AGBL1: variants seen among roughly 807,000 people sequenced by gnomAD.
AGBL1 encodes the protein AGBL carboxypeptidase 1, also known as cytosolic carboxypeptidase 4.
A neutral mutation model predicts 118.9 loss-of-function variants in AGBL1; 130 were observed. The ratio of observed to expected loss-of-function variants is 1.09; its 90% CI spans 0.95 to 1.26. AGBL1 has a LOEUF of 1.26. Ranked by LOEUF, AGBL1 falls within the 50% of genes most tolerant of loss-of-function variation. The pLI is 0.00. For missense variants in AGBL1, 1,584 were observed against 1,298.1 expected, an observed-to-expected ratio of 1.22 and a Z score of -3.38; for synonymous variants, 555 against 478.9, an observed-to-expected ratio of 1.16 and a Z score of -2.08.
At chr15:86,744,908 G>A (rs1285247568) in intron 22 of AGBL1, among the ~76,000 whole-genome samples, 4 of 152,086 alleles carry the variant, frequency 2.6e-5, no homozygotes, top group African/African-American at 7.2e-5. Context: ...GTTGATCTGC[G>A]GAGCAGCTCT....
At chr15:86,726,676 C>T (rs1377275294) in intron 22 of AGBL1, among the ~76,000 whole-genome samples, 1 of 152,140 alleles carries the variant, frequency 6.6e-6, no homozygotes, top group Non-Finnish European at 1.5e-5. Flanking sequence ...ATCCTTCTAC[C>T]TCAGACTCCT....
intron 22 of AGBL1, among the ~76,000 whole-genome samples, chr15:86,806,234 C>T (rs1182876955): frequency 6.6e-6 from 1 of 152,050 alleles, no homozygotes; most frequent in Non-Finnish European, 1.5e-5. Context: ...TACTATAGAT[C>T]AATGGGGTCA....
chr15:86,550,925 A>G (rs2142263392), intron 20 of AGBL1, among the ~76,000 whole-genome samples: 1 of 152,088 alleles, frequency 6.6e-6, no homozygotes, highest in East Asian at 1.9e-4. Flanking sequence ...TAACTTTCAT[A>G]AGAAATCTGG....
intron 22 of AGBL1, among the ~76,000 whole-genome samples, chr15:86,895,071 C>CCTTCCCTTTCTTTTATCTTCCCTT: frequency 6.6e-6 from 1 of 151,100 alleles, no homozygotes; most frequent in Admixed American, 6.6e-5. Flanking sequence ...TATCTTCCCT[C>CCTTCCCTTTCTTTTATCTTCCCTT]CTTCCCTTTC....
intron 22 of AGBL1, among the ~76,000 whole-genome samples, chr15:86,680,544 T>TTTTC (rs1192641578): frequency 1.3e-5 from 2 of 150,120 alleles, no homozygotes; most frequent in Non-Finnish European, 3.0e-5. Context: ...TTCTTTTCTT[T>TTTTC]TTTCTTTCTT....
At chr15:86,139,105 ATATCATCTATTAACATT>A in intron 1 of AGBL1, among the ~76,000 whole-genome samples, 1 of 152,304 alleles carries the variant, frequency 6.6e-6, no homozygotes, top group South Asian at 2.1e-4. Flanking sequence ...TCAGAGAATG[ATATCATCTATTAACATT>A]TAGTGCAGCT....
At chr15:86,080,259 C>A in intron 1 of AGBL1, 3 of 367,062 alleles carry the variant, frequency 8.2e-6, no homozygotes, top group Non-Finnish European at 1.5e-5. Flanking sequence ...CTCGTGGGAT[C>A]AGAGGCTCTG....
At chr15:86,650,885 C>G (rs2085358291) in intron 21 of AGBL1, among the ~76,000 whole-genome samples, 1 of 152,156 alleles carries the variant, frequency 6.6e-6, no homozygotes, top group South Asian at 2.1e-4. Context: ...GGACAAATTC[C>G]AAGTAGGTTT....
intron 18 of AGBL1, among the ~76,000 whole-genome samples, chr15:86,421,919 C>T (rs1161009050): frequency 6.6e-6 from 1 of 152,162 alleles, no homozygotes; most frequent in Non-Finnish European, 1.5e-5. Flanking sequence ...AATTTATATG[C>T]ACCCAATACA....
chr15:86,173,642 G>A (rs113153963), intron 5 of AGBL1, among the ~76,000 whole-genome samples: 33 of 152,206 alleles, frequency 2.2e-4, no homozygotes, highest in African/African-American at 7.7e-4. Context: ...TAGGGGTCTA[G>A]TTTCACTCTT....
chr15:86,196,858 TGTGCACATGTGCGCGCGC>T (rs60871362), intron 5 of AGBL1, among the ~76,000 whole-genome samples: 2,063 of 116,200 alleles, frequency 0.018, 25 homozygotes, highest in African/African-American at 0.032. Context: ...CATATGCGAA[TGTGCACATGTGCGCGCGC>T]GCGCACACAC....
In AGBL1 at chr15:87,003,677, G is replaced by T. The variant is rs576391470; in HGVS notation, c.3323+15589G>T. Among the ~76,000 whole-genome samples the T allele has an allele frequency of 1.4e-4, 22 of 152,264 alleles. No homozygotes were observed. The South Asian group carries it at 4.1e-3, about 29-fold the overall frequency. ...AGTGCCTGTTATTGGTCTATTCAGA[G>T]ATTCAACTTCTTCCTGGTTTAGTCT... On this transcript the variant is annotated intron_variant, in intron 24 of 24. Transcript: ENST00000441037.
intron 22 of AGBL1, among the ~76,000 whole-genome samples, chr15:86,870,454 C>A (rs1485522447): frequency 3.1e-5 from 2 of 64,130 alleles, no homozygotes; most frequent in Non-Finnish European, 5.5e-5. Context: ...AAGCATACTG[C>A]AAAAAAAAAA....
chr15:86,958,389 A>G (rs899646738), intron 23 of AGBL1, among the ~76,000 whole-genome samples: 5 of 152,118 alleles, frequency 3.3e-5, no homozygotes, highest in Non-Finnish European at 7.4e-5. Flanking sequence ...TGAGAACCAC[A>G]GAGTTAAATT....
intron 18 of AGBL1, among the ~76,000 whole-genome samples, chr15:86,445,787 C>T (rs1418586238): frequency 6.6e-6 from 1 of 152,160 alleles, no homozygotes; most frequent in Non-Finnish European, 1.5e-5. Context: ...GCTTGGTGTC[C>T]CAAACCCCTC....
At chr15:86,676,394 T>C (rs2085847246) in intron 22 of AGBL1, among the ~76,000 whole-genome samples, 1 of 152,184 alleles carries the variant, frequency 6.6e-6, no homozygotes, top group Admixed American at 6.5e-5. Context: ...TGAGCATTTC[T>C]TGACCCCAAA....
At chr15:86,293,860 G>A (rs2079588578) in intron 16 of AGBL1, among the ~76,000 whole-genome samples, 1 of 151,996 alleles carries the variant, frequency 6.6e-6, no homozygotes, top group Non-Finnish European at 1.5e-5. Flanking sequence ...AAACAAGGTG[G>A]GCGGTTTCTC....
At chr15:86,974,580 AT>A (rs2081153312) in intron 23 of AGBL1, among the ~76,000 whole-genome samples, 1 of 138,494 alleles carries the variant, frequency 7.2e-6, no homozygotes, top group African/African-American at 2.8e-5. Context: ...TATATTAAAT[AT>A]ATAAAAATTA....
In AGBL1 at chr15:86,438,266, C is replaced by T. The variant is rs954856554; in HGVS notation, c.2555+40720C>T. On this transcript the variant is annotated intron_variant, in intron 18 of 22. Transcript: ENST00000614907. ...AGGTGGATTTTGAGAAAAAGGCAGG[C>T]TAAACTAGGTAAGAGAGATCTGACA... is the stretch of plus-strand genomic sequence containing the variant. 2.0e-5 allele frequency among the ~76,000 whole-genome samples: 3 copies of T among 152,084 alleles called. No homozygotes were observed. In the East Asian group the frequency reaches 5.8e-4, roughly 29 times the overall value.
Sources: allele counts gnomAD v4.1 joint callset (sites outside exome capture counted in the v4.1 genomes callset), GRCh38; gene constraint gnomAD v4.1.1; transcripts MANE v1.5; gene names NCBI Gene and HGNC (gene_info 2026-07-23, HGNC 2026-07-21).